GNA13: variants seen among roughly 807,000 people sequenced by gnomAD.
GNA13 encodes the protein guanine nucleotide-binding protein subunit alpha-13.
In GNA13, 4 loss-of-function variants were observed where a neutral mutation model predicts 33.5. The ratio of observed to expected loss-of-function variants is 0.12; its 90% confidence interval spans 0.06 to 0.27. The LOEUF is 0.27. GNA13 is among the 10% of genes least tolerant of loss of function. GNA13 has a pLI of 1.00. For synonymous variants in GNA13, 176 were observed against 183.8 expected, an observed-to-expected ratio of 0.96 and a Z score of 0.34; for missense variants, 319 against 487.2, an observed-to-expected ratio of 0.65 and a Z score of 3.25.
intron 2 of GNA13, among the ~76,000 whole-genome samples, chr17:65,043,950 C>A (rs1393710607): frequency 3.3e-5 from 5 of 151,998 alleles, no homozygotes; most frequent in African/African-American, 1.2e-4. Context: ...AGTGAGACCT[C>A]ATTTCTGAAA....
chr17:65,056,249 G>GCCCCCCCCCCCCCC, intron 1 of GNA13, 62 bp downstream of exon 1: 5 of 774,828 alleles, frequency 6.5e-6, no homozygotes, highest in Non-Finnish European at 7.8e-6. Context: ...GCCCCGCCCC[G>GCCCCCCCCCCCCCC]CACCCGCCGC....
At chr17:65,045,957 G>A (rs1022684273) in intron 2 of GNA13, among the ~76,000 whole-genome samples, 1 of 152,170 alleles carries the variant, frequency 6.6e-6, no homozygotes, top group Non-Finnish European at 1.5e-5. Context: ...ATGGTTTGGT[G>A]GCCAGAGCTG....
intron 2 of GNA13, among the ~76,000 whole-genome samples, chr17:65,026,884 T>A (rs1434613522): frequency 1.3e-5 from 2 of 152,196 alleles, no homozygotes; most frequent in African/African-American, 4.8e-5. Context: ...GTTCAAGCGA[T>A]TCTTCTGCCT....
chr17:65,036,890 A>G (rs1441994036), intron 2 of GNA13, among the ~76,000 whole-genome samples: 1 of 152,220 alleles, frequency 6.6e-6, no homozygotes, highest in Non-Finnish European at 1.5e-5. Flanking sequence ...CTAGTGCAGT[A>G]AATGATCGCA....
chr17:65,056,695 C>T lies in GNA13; in HGVS notation c.-102G>A, dbSNP rs1908079775. On this transcript the variant is annotated 5_prime_UTR_variant, in exon 1 of 4. Transcript: ENST00000439174. ...CACCGAGGCTCGAGGGCGGGGAGCGCGGCGGCGGCCCGAGCGCGCCCAGGG... is the reference window on the plus strand; with the variant it reads ...CACCGAGGCTCGAGGGCGGGGAGCGTGGCGGCGGCCCGAGCGCGCCCAGGG... 1 of 696,426 alleles carries T rather than the reference C, an allele frequency of 1.4e-6. No individual in the cohort carries two copies. Among genetic ancestry groups the T allele is most frequent in the East Asian group, 6.3e-5 (1 of 15,804 alleles). The allele number at this position is 696,426 out of a possible 1,614,324, so 43.1% of individuals were successfully genotyped here. A position where few individuals can be genotyped will look rare whatever the true frequency, so the allele number is the denominator to read the frequency against.
rs555484441 is a variant in GNA13 at position 65,055,364 on chromosome 17, A to G, written c.283+947T>C. On this transcript the variant is annotated intron_variant, in intron 1 of 3. Transcript: ENST00000439174. ...ACTTGTTTATTTTTCACTTAAGAAC[A>G]AAGTTTAATTTTAAAACTACTGTCA... is the stretch of plus-strand genomic sequence containing the variant. 1.3e-3 allele frequency among the ~76,000 whole-genome samples: 197 copies of G among 152,342 alleles called. 1 individual carries two copies. Among genetic ancestry groups the G allele is most frequent in the Middle Eastern group, 3.4e-3 (1 of 294 alleles).
At chr17:65,056,239 G>GGCCC in intron 1 of GNA13, 72 bp downstream of exon 1, 1 of 936,172 alleles carries the variant, frequency 1.1e-6, no homozygotes, top group African/African-American at 1.6e-5. Context: ...CCAGGGCGGT[G>GGCCC]CCCCGCCCCG....
chr17:65,037,133 T>A (rs1907276651), intron 2 of GNA13, among the ~76,000 whole-genome samples: 1 of 152,218 alleles, frequency 6.6e-6, no homozygotes, highest in African/African-American at 2.4e-5. Flanking sequence ...AGTGAAAAAC[T>A]CTTCTGTATT....
chr17:65,027,186 G>C (rs1049888913), intron 2 of GNA13, among the ~76,000 whole-genome samples: 1 of 152,114 alleles, frequency 6.6e-6, no homozygotes, highest in Non-Finnish European at 1.5e-5. Context: ...CTACAATTCT[G>C]ATCTTAACAC....
intron 2 of GNA13, among the ~76,000 whole-genome samples, chr17:65,025,809 C>A: frequency 1.4e-5 from 1 of 70,286 alleles, no homozygotes; most frequent in African/African-American, 5.1e-5. Flanking sequence ...AGAGAGATCC[C>A]ATCTCTACAA....
At chr17:65,056,195 G>C in intron 1 of GNA13, 116 bp downstream of exon 1, 2 of 814,684 alleles carry the variant, frequency 2.5e-6, no homozygotes, top group Non-Finnish European at 1.7e-6. Context: ...CAGCCCGCCC[G>C]CCGGGCCCGT....
At chr17:65,039,275 T>C (rs1395228065) in intron 2 of GNA13, among the ~76,000 whole-genome samples, 1 of 152,236 alleles carries the variant, frequency 6.6e-6, no homozygotes, top group Non-Finnish European at 1.5e-5. Context: ...CTGCTTGCTC[T>C]GCAATAGTCT....
intron 2 of GNA13, among the ~76,000 whole-genome samples, chr17:65,027,519 G>A (rs1391051263): frequency 6.6e-6 from 1 of 151,942 alleles, no homozygotes; most frequent in Non-Finnish European, 1.5e-5. Context: ...CACCTCCTAT[G>A]GCATGAGTCA....
In GNA13 at chr17:65,012,552, T is replaced by C. The variant is rs1448078608; in HGVS notation, c.*1705A>G. ...CTCATGGATTACCATGGCATGAAAA[T>C]GCTAGAAGTTATATGGATACAATGA... On this transcript the variant is annotated 3_prime_UTR_variant, in exon 4 of 4. Transcript: ENST00000439174. The C allele has an allele frequency of 4.5e-6, 1 of 220,128 alleles. No homozygotes were observed. Among genetic ancestry groups the C allele is most frequent in the Non-Finnish European group, 9.1e-6 (1 of 109,948 alleles). The allele number at this position is 220,128 out of a possible 1,614,324, so 13.6% of individuals were successfully genotyped here. A position where few individuals can be genotyped will look rare whatever the true frequency, so the allele number is the denominator to read the frequency against.
At chr17:65,018,105 A>G in intron 3 of GNA13, 148 bp downstream of exon 3, 1 of 99,542 alleles carries the variant, frequency 1.0e-5, no homozygotes, top group East Asian at 2.7e-4. Flanking sequence ...AAAAAAAAAA[A>G]AAAAAAAAAA....
chr17:65,051,889 G>A lies in GNA13; in HGVS notation c.510+1613C>T, dbSNP rs1290143577. 3.9e-5 allele frequency: 6 copies of A among 152,156 alleles called. No individual in the cohort carries two copies. The East Asian group carries it at 1.2e-3, about 29-fold the overall frequency. 9.4% of individuals were successfully genotyped at this position (152,156 alleles called of 1,614,324 possible). A position where few individuals can be genotyped will look rare whatever the true frequency, so the allele number is the denominator to read the frequency against. On this transcript the variant is annotated intron_variant, in intron 2 of 3. Coordinates refer to ENST00000439174, the MANE Select transcript of GNA13 (RefSeq NM_006572.6). Reference sequence around the variant, plus strand: ...ACTTGAAAAGACAAGATACAAACATGATAGAAGAGAACTATACAAGACGGT... The same window carrying A: ...ACTTGAAAAGACAAGATACAAACATAATAGAAGAGAACTATACAAGACGGT...
rs763192962 is a variant in GNA13, at chr17:65,010,384, A to AT, written c.*3872dup. On this transcript the variant is annotated 3_prime_UTR_variant, in exon 4 of 4. Coordinates refer to ENST00000439174, the MANE Select transcript of GNA13 (RefSeq NM_006572.6). ...TATTAATAAGCCCTAACCTCGTACCATAAAAAAATGGGCATGTGCTGTATT... is the reference window on the plus strand; with the variant it reads ...TATTAATAAGCCCTAACCTCGTACCATTAAAAAAATGGGCATGTGCTGTATT... Among the ~76,000 whole-genome samples the AT allele has an allele frequency of 1.3e-5, 2 of 152,078 alleles. No homozygotes were observed. Among genetic ancestry groups the AT allele is most frequent in the East Asian group, 3.9e-4 (2 of 5,194 alleles).
At chr17:65,018,133 A>AGAGAG in intron 3 of GNA13, 120 bp downstream of exon 3, 1 of 235,328 alleles carries the variant, frequency 4.2e-6, no homozygotes, top group South Asian at 4.5e-5. Context: ...AAAAAAAAAA[A>AGAGAG]AAAAAAGAGA....
rs1018029471 is a variant in GNA13, at chr17:65,010,425, C to A, written c.*3832G>T. Among the ~76,000 whole-genome samples, 1 of 152,090 alleles carries A rather than the reference C, an allele frequency of 6.6e-6. No homozygotes were observed. On this transcript the variant is annotated 3_prime_UTR_variant, in exon 4 of 4. Transcript: ENST00000439174. ...GTGCTGTATTTGGGACATGCGGACA[C>A]ACCCACACCCACCCACAATCTCTCC...
Sources: allele counts gnomAD v4.1 joint callset (sites outside exome capture counted in the v4.1 genomes callset), GRCh38; gene constraint gnomAD v4.1.1; transcripts MANE v1.5; gene names NCBI Gene and HGNC (gene_info 2026-07-23, HGNC 2026-07-21).